The following CYSLTR1 variants were observed in gnomAD, a reference collection of about 807,000 sequenced individuals.
CYSLTR1 encodes the protein G-protein coupled receptor HG55.
In CYSLTR1, 1 loss-of-function variant was observed where a neutral mutation model predicts 2.1. The observed-to-expected ratio is 0.48, with a 90% CI of 0.17 to 2.28. The LOEUF (loss-of-function observed/expected upper bound fraction) is 2.28. CYSLTR1 is among the 30% of genes most tolerant of loss of function. CYSLTR1 has a pLI of 0.26. For missense variants in CYSLTR1, 299 were observed against 250.1 expected (o/e 1.20, Z -1.32); for synonymous variants, 110 against 89.6 (o/e 1.23, Z -1.28).
At chrX:78,280,895 T>C (rs1416558658) in intron 2 of CYSLTR1, among the ~76,000 whole-genome samples, 3 of 112,077 alleles carry the variant, frequency 2.7e-5, no homozygotes, top group African/African-American at 3.2e-5. Flanking sequence ...TCAATCCATG[T>C]TCCTGCAAAG....
At chrX:78,304,911 TGA>T (rs900376314) in intron 1 of CYSLTR1, among the ~76,000 whole-genome samples, 1 of 111,953 alleles carries the variant, frequency 8.9e-6, no homozygotes, top group African/African-American at 3.2e-5. Context: ...GTTGGTCTGG[TGA>T]TAATTTCTAA....
At chrX:78,324,360 T>TTTTG (rs760618602) in intron 1 of CYSLTR1, among the ~76,000 whole-genome samples, 7 of 112,164 alleles carry the variant, frequency 6.2e-5, no homozygotes, top group Admixed American at 3.8e-4. Flanking sequence ...CTTAGCAGTT[T>TTTTG]TTTGTTTGTT....
At chrX:78,306,446 G>T (rs748780637) in intron 1 of CYSLTR1, among the ~76,000 whole-genome samples, 1 of 111,516 alleles carries the variant, frequency 9.0e-6, no homozygotes, top group South Asian at 3.8e-4. Context: ...TTACACGCAC[G>T]AGCCACTGCA....
At chrX:78,325,609 G>A (rs1003745140) in intron 1 of CYSLTR1, among the ~76,000 whole-genome samples, 3 of 111,561 alleles carry the variant, frequency 2.7e-5, no homozygotes, top group African/African-American at 6.5e-5. Flanking sequence ...CAGTTACCCC[G>A]TTTCTCTCCC....
chrX:78,319,305 C>T (rs1466788516), intron 1 of CYSLTR1: 1 of 89,101 alleles, frequency 1.1e-5, no homozygotes, highest in Non-Finnish European at 2.2e-5. Flanking sequence ...TGATATTCCC[C>T]TTCCTGTGTC....
Position 78,272,875 on chromosome X carries a change from T to A in CYSLTR1, c.872A>T (p.Asp291Val), listed in dbSNP as rs1409604653. ...CCCAGAAAAGAAATATAGGAGAGGGTCAAAGCAACAATTGGATGCAGCCAG... is the reference window on the plus strand; with the variant it reads ...CCCAGAAAAGAAATATAGGAGAGGGACAAAGCAACAATTGGATGCAGCCAG... ...LSLAASNCCFDPLLYFFSGGN... is the reference protein window; with the variant it reads ...LSLAASNCCFVPLLYFFSGGN... The change falls in exon 3 of 3, where the codon GAC becomes GTC. Residue 291 changes from aspartate to valine, a missense_variant. Coordinates refer to ENST00000373304, the MANE Select transcript of CYSLTR1 (RefSeq NM_006639.4). 1.7e-6 allele frequency: 2 copies of A among 1,210,893 alleles called. No individual in the cohort carries two copies. Among genetic ancestry groups the A allele is most frequent in the South Asian group, 1.8e-5 (1 of 56,936 alleles).
At chrX:78,278,289 C>A (rs1317587311) in intron 2 of CYSLTR1, among the ~76,000 whole-genome samples, 1 of 111,361 alleles carries the variant, frequency 9.0e-6, no homozygotes, top group African/African-American at 3.3e-5. Flanking sequence ...AGACTGAACC[C>A]ATGACTCATT....
chrX:78,316,246 T>C (rs2147273991), intron 1 of CYSLTR1, among the ~76,000 whole-genome samples: 1 of 112,331 alleles, frequency 8.9e-6, no homozygotes. Context: ...CACAGGGGCC[T>C]TTGGGGAACG....
intron 1 of CYSLTR1, among the ~76,000 whole-genome samples, chrX:78,288,031 C>CAA (rs202210188): frequency 1.9e-5 from 2 of 104,819 alleles, no homozygotes; most frequent in South Asian, 4.2e-4. Context: ...AAACAAAGAA[C>CAA]AAAAAAAAAA....
chrX:78,310,660 C>T (rs1208371244), intron 1 of CYSLTR1, among the ~76,000 whole-genome samples: 1 of 111,250 alleles, frequency 9.0e-6, no homozygotes, highest in Non-Finnish European at 1.9e-5. Context: ...GGACACAGAG[C>T]ATAAAAGTAG....
intron 1 of CYSLTR1, among the ~76,000 whole-genome samples, chrX:78,296,779 A>C (rs1922593068): frequency 8.9e-6 from 1 of 111,750 alleles, no homozygotes; most frequent in South Asian, 3.7e-4. Flanking sequence ...TTCAGTTCTA[A>C]TGATTTTTTT....
At chrX:78,291,352 A>C (rs551044568) in intron 1 of CYSLTR1, among the ~76,000 whole-genome samples, 1 of 111,577 alleles carries the variant, frequency 9.0e-6, no homozygotes, top group African/African-American at 3.3e-5. Flanking sequence ...TGCTGGATTT[A>C]GTTTGCCAGT....
chrX:78,288,438 AC>A (rs754546554), intron 1 of CYSLTR1, among the ~76,000 whole-genome samples: 15 of 109,522 alleles, frequency 1.4e-4, no homozygotes, highest in Non-Finnish European at 2.3e-4. Context: ...GATCCTTTTA[AC>A]CCAATTTTAC....
At chrX:78,277,248 A>T (rs1921631467) in intron 2 of CYSLTR1, among the ~76,000 whole-genome samples, 1 of 110,054 alleles carries the variant, frequency 9.1e-6, no homozygotes, top group African/African-American at 3.3e-5. Context: ...TGATCTGAGG[A>T]CCCCCTTGTT....
At chrX:78,300,658 C>G (rs1922779959) in intron 1 of CYSLTR1, among the ~76,000 whole-genome samples, 1 of 112,709 alleles carries the variant, frequency 8.9e-6, no homozygotes, top group African/African-American at 3.2e-5. Context: ...TGTGTTGCCA[C>G]CCAAATCTCA....
At chrX:78,290,878 A>G (rs1922293812) in intron 1 of CYSLTR1, among the ~76,000 whole-genome samples, 1 of 111,739 alleles carries the variant, frequency 8.9e-6, no homozygotes, top group African/African-American at 3.3e-5. Context: ...GGATTTCCTA[A>G]ATATACAATC....
chrX:78,284,770 A>AG (rs1322067171), intron 1 of CYSLTR1, among the ~76,000 whole-genome samples: 1 of 110,473 alleles, frequency 9.1e-6, no homozygotes, highest in Non-Finnish European at 1.9e-5. Flanking sequence ...AAAAAAAAAA[A>AG]AAAAAGAAAA....
intron 1 of CYSLTR1, among the ~76,000 whole-genome samples, chrX:78,306,550 T>C (rs1180585360): frequency 1.8e-5 from 2 of 111,895 alleles, no homozygotes; most frequent in Non-Finnish European, 3.8e-5. Context: ...CTTTTTATAG[T>C]AAATGACTTC....
chrX:78,280,523 G>T (rs1389483072), intron 2 of CYSLTR1, among the ~76,000 whole-genome samples: 2 of 97,565 alleles, frequency 2.0e-5, no homozygotes, highest in African/African-American at 3.7e-5. Flanking sequence ...GTGTGTGTGT[G>T]TTGGGGGGGG....
Sources: gnomAD v4.1 joint callset for allele counts (sites outside exome capture counted in the v4.1 genomes callset) on GRCh38, gnomAD v4.1.1 for gene constraint, MANE v1.5 for transcripts, NCBI Gene and HGNC (gene_info 2026-07-23, HGNC 2026-07-21) for gene names.